The following SNAPC3 variants were observed in gnomAD, a reference collection of about 807,000 sequenced individuals.
SNAPC3 encodes the protein small nuclear RNA activating complex polypeptide 3, also known as snRNA-activating protein complex subunit 3.
In SNAPC3, 56 loss-of-function variants were observed where a neutral mutation model predicts 47.7. The observed-to-expected ratio is 1.18, with a 90% CI of 0.95 to 1.47. The LOEUF is 1.47. SNAPC3 is among the 40% of genes most tolerant of loss of function. The pLI is 0.00. For synonymous variants in SNAPC3, 235 were observed against 189.9 expected (o/e 1.24, Z -1.95); for missense variants, 665 against 511.3 (o/e 1.30, Z -2.90).
intron 5 of SNAPC3, among the ~76,000 whole-genome samples, chr9:15,449,784 T>A (rs928958662): frequency 1.3e-5 from 2 of 151,680 alleles, no homozygotes; most frequent in African/African-American, 4.8e-5. Flanking sequence ...TTGGTCAGGC[T>A]GGTCTTGAAC....
chr9:15,456,705 C>T (rs927855016), intron 7 of SNAPC3, among the ~76,000 whole-genome samples: 7 of 151,018 alleles, frequency 4.6e-5, no homozygotes, highest in Non-Finnish European at 1.0e-4. Flanking sequence ...TGAGCTCAAG[C>T]GATCCTCCTG....
At chr9:15,465,937 A>G (rs1386170677), downstream of SNAPC3, 10 of 190,794 alleles carry the variant, frequency 5.2e-5, no homozygotes, top group Non-Finnish European at 9.6e-5. Context: ...CTTAATAAAA[A>G]GAGAGGTTGA....
At chr9:15,459,693 T>C in intron 8 of SNAPC3, 26 bp from the exon 9 acceptor site, 1 of 1,604,366 alleles carries the variant, frequency 6.2e-7, no homozygotes, top group East Asian at 2.2e-5. Context: ...ATTGTAATGA[T>C]GTACTTCTTT....
At chr9:15,448,339 A>C (rs1392345011) in intron 5 of SNAPC3, among the ~76,000 whole-genome samples, 5 of 151,978 alleles carry the variant, frequency 3.3e-5, no homozygotes, top group African/African-American at 1.2e-4. Context: ...CACCTCATTC[A>C]TCCATAGTGA....
At chr9:15,457,144 C>T (rs1285620399) in intron 7 of SNAPC3, among the ~76,000 whole-genome samples, 1 of 151,980 alleles carries the variant, frequency 6.6e-6, no homozygotes, top group Non-Finnish European at 1.5e-5. Flanking sequence ...AATTCTGATA[C>T]TTAAAACTAA....
In SNAPC3 at chr9:15,460,966, A is replaced by G. The variant is rs1395035833; in HGVS notation, c.*1100A>G. ...ATGACTGTGGGGACATGGAAAAATC[A>G]AGATCCTATTGATTGCTAGCTCTGG... On this transcript the variant is annotated 3_prime_UTR_variant, in exon 9 of 9. Transcript: ENST00000380821. The G allele has an allele frequency of 6.6e-6, 1 of 152,186 alleles. No individual in the cohort carries two copies. The highest frequency in any genetic ancestry group is 2.4e-5 in the African/African-American group (1 of 41,444). The allele number at this position is 152,186 out of a possible 1,614,324, so 9.4% of individuals were successfully genotyped here.
intron 3 of SNAPC3, among the ~76,000 whole-genome samples, chr9:15,434,304 C>T (rs1378898045): frequency 6.6e-6 from 1 of 152,172 alleles, no homozygotes; most frequent in Non-Finnish European, 1.5e-5. Context: ...CCAGTTTTCC[C>T]TCCTGCAGCC....
At chr9:15,436,932 T>C (rs1587242953) in intron 3 of SNAPC3, among the ~76,000 whole-genome samples, 1 of 150,190 alleles carries the variant, frequency 6.7e-6, no homozygotes, top group African/African-American at 2.4e-5. Context: ...CGAGCGATTC[T>C]CCTGCCTCAG....
At chr9:15,454,406 T>C (rs2131947886) in intron 7 of SNAPC3, among the ~76,000 whole-genome samples, 1 of 152,148 alleles carries the variant, frequency 6.6e-6, no homozygotes, top group South Asian at 2.1e-4. Context: ...AAGAAAGACA[T>C]GGAATGCAAC....
downstream of SNAPC3, chr9:15,462,249 T>C (rs1415433243): frequency 1.3e-5 from 2 of 152,204 alleles, no homozygotes. Flanking sequence ...AGAATGTTAT[T>C]TTGCTAGTTC....
At chr9:15,435,910 C>T (rs1360594335) in intron 3 of SNAPC3, among the ~76,000 whole-genome samples, 1 of 131,778 alleles carries the variant, frequency 7.6e-6, no homozygotes, top group Non-Finnish European at 1.6e-5. Flanking sequence ...ATGGAGCAAT[C>T]TTAGCTCACT....
chr9:15,453,362 A>G (rs1019539750), intron 7 of SNAPC3, 157 bp downstream of exon 7: 8 of 535,604 alleles, frequency 1.5e-5, no homozygotes, highest in African/African-American at 1.2e-4. Flanking sequence ...TTCCATGCAA[A>G]TACCAACTCT....
downstream of SNAPC3, chr9:15,461,760 A>G (rs1021060645): frequency 1.3e-5 from 2 of 152,216 alleles, no homozygotes; most frequent in African/African-American, 4.8e-5. Context: ...TAAATGCCAC[A>G]AACAGTTAAG....
chr9:15,427,227 T>C (rs986893765), intron 2 of SNAPC3, among the ~76,000 whole-genome samples: 7 of 152,356 alleles, frequency 4.6e-5, no homozygotes, highest in Admixed American at 2.0e-4. Flanking sequence ...TTTTGACATT[T>C]TTTTTGACTA....
intron 2 of SNAPC3, among the ~76,000 whole-genome samples, chr9:15,430,876 C>T (rs1473596534): frequency 6.6e-6 from 1 of 152,148 alleles, no homozygotes; most frequent in East Asian, 1.9e-4. Flanking sequence ...TATATGCCAC[C>T]TTTCATGTAA....
intron 3 of SNAPC3, among the ~76,000 whole-genome samples, chr9:15,436,373 A>T (rs1348890870): frequency 6.6e-6 from 1 of 152,190 alleles, no homozygotes; most frequent in Non-Finnish European, 1.5e-5. Context: ...GATGTAAGGT[A>T]AGGGTTTGAT....
intron 7 of SNAPC3, among the ~76,000 whole-genome samples, chr9:15,456,184 A>G (rs1039023691): frequency 2.0e-5 from 3 of 151,560 alleles, no homozygotes; most frequent in Non-Finnish European, 2.9e-5. Context: ...TAATTTTTGT[A>G]TTTTTAGTAG....
chr9:15,465,503 ATTC>A (rs1563861592), downstream of SNAPC3: 1 of 1,521,760 alleles, frequency 6.6e-7, no homozygotes, highest in Non-Finnish European at 9.0e-7. Flanking sequence ...TGTTCTCTAT[ATTC>A]CAGGTATGTC....
downstream of SNAPC3, chr9:15,466,700 A>G (rs757132529): frequency 2.8e-6 from 4 of 1,437,658 alleles, no homozygotes; most frequent in South Asian, 3.7e-5. Flanking sequence ...GTGATTAAAA[A>G]CCTGAATAAT....
Sources: allele counts gnomAD v4.1 joint callset (sites outside exome capture counted in the v4.1 genomes callset), GRCh38; gene constraint gnomAD v4.1.1; transcripts MANE v1.5; gene names NCBI Gene and HGNC (gene_info 2026-07-23, HGNC 2026-07-21).